The following ASCC1 variants were observed in gnomAD, a reference collection of about 807,000 sequenced individuals.
ASCC1 encodes the protein ASC-1 complex subunit P50.
ASCC1 carries 35 observed loss-of-function variants against 46.6 expected under a neutral mutation model. That is an observed-to-expected ratio of 0.75 (90% CI 0.57 to 0.99). The LOEUF (loss-of-function observed/expected upper bound fraction) is 0.99. Among genes scored for constraint, ASCC1 ranks in the 50% least tolerant of loss-of-function variants. ASCC1 has a pLI of 0.00. For synonymous variants in ASCC1, 143 were observed against 146.6 expected, an observed-to-expected ratio of 0.98 and a Z score of 0.18; for missense variants, 376 against 428.7, an observed-to-expected ratio of 0.88 and a Z score of 1.09.
intron 9 of ASCC1, among the ~76,000 whole-genome samples, chr10:72,112,902 C>A (rs868747429): frequency 1.1e-4 from 16 of 141,394 alleles, no homozygotes; most frequent in South Asian, 4.5e-4. Flanking sequence ...AAAAAAAAAA[C>A]CCCAACATAC....
At chr10:72,160,707 AT>A (rs1326401247) in intron 6 of ASCC1, among the ~76,000 whole-genome samples, 1 of 151,282 alleles carries the variant, frequency 6.6e-6, no homozygotes, top group African/African-American at 2.4e-5. Flanking sequence ...CCTAAAAAAA[AT>A]AAAAATAAAA....
intron 8 of ASCC1, among the ~76,000 whole-genome samples, chr10:72,128,424 AC>A (rs1317111889): frequency 1.3e-5 from 2 of 152,164 alleles, no homozygotes; most frequent in Non-Finnish European, 2.9e-5. Context: ...TATATTCCTA[AC>A]TATGCAACTA....
At chr10:72,155,984 A>G (rs760484179) in intron 6 of ASCC1, among the ~76,000 whole-genome samples, 2 of 152,240 alleles carry the variant, frequency 1.3e-5, no homozygotes, top group Non-Finnish European at 2.9e-5. Flanking sequence ...AATTTTGAGA[A>G]GAATATGGTC....
intron 9 of ASCC1, among the ~76,000 whole-genome samples, chr10:72,110,464 TCTC>T (rs1423913103): frequency 6.6e-6 from 1 of 152,066 alleles, no homozygotes; most frequent in Non-Finnish European, 1.5e-5. Flanking sequence ...CACTCCAACT[TCTC>T]CACCAACAAG....
chr10:72,136,571 A>AG (rs1846237330), intron 7 of ASCC1, among the ~76,000 whole-genome samples: 1 of 152,306 alleles, frequency 6.6e-6, no homozygotes, highest in Non-Finnish European at 1.5e-5. Context: ...GCCAATCAGC[A>AG]GGGGGATGTG....
chr10:72,104,631 A>G (rs1842144746), intron 9 of ASCC1, among the ~76,000 whole-genome samples: 2 of 152,128 alleles, frequency 1.3e-5, no homozygotes, highest in African/African-American at 2.4e-5. Flanking sequence ...CTGTTGTTTT[A>G]TAACAATTCC....
intron 7 of ASCC1, among the ~76,000 whole-genome samples, chr10:72,139,658 C>G (rs759973071): frequency 1.3e-5 from 2 of 152,194 alleles, no homozygotes; most frequent in African/African-American, 4.8e-5. Flanking sequence ...CCTGTAAGTG[C>G]TATAAAGCTC....
intron 5 of ASCC1, among the ~76,000 whole-genome samples, chr10:72,167,117 G>A (rs1336913521): frequency 2.0e-5 from 3 of 152,054 alleles, no homozygotes; most frequent in African/African-American, 7.2e-5. Context: ...TCTACCCAAC[G>A]AAATGAAAAC....
At chr10:72,200,462 A>G (rs1856334707) in intron 4 of ASCC1, among the ~76,000 whole-genome samples, 1 of 152,010 alleles carries the variant, frequency 6.6e-6, no homozygotes, top group Admixed American at 6.6e-5. Flanking sequence ...CAGCCTGATC[A>G]ACATGGAGAA....
intron 5 of ASCC1, among the ~76,000 whole-genome samples, chr10:72,190,940 G>C (rs887384716): frequency 7.1e-6 from 1 of 141,614 alleles, no homozygotes; most frequent in Admixed American, 7.2e-5. Context: ...AGGTTGCCGT[G>C]AGCCAAGATC....
intron 3 of ASCC1, among the ~76,000 whole-genome samples, chr10:72,208,643 C>T (rs543294578): frequency 1.3e-5 from 2 of 152,108 alleles, no homozygotes; most frequent in Admixed American, 6.6e-5. Context: ...GCCTGTAGTT[C>T]CAGCTACTCA....
intron 8 of ASCC1, among the ~76,000 whole-genome samples, chr10:72,132,257 AACC>A (rs1177836002): frequency 6.6e-6 from 1 of 152,082 alleles, no homozygotes; most frequent in African/African-American, 2.4e-5. Flanking sequence ...GTGTATTTTG[AACC>A]ACGAGTCTTG....
rs186437885 is a variant in ASCC1 at position 72,115,268 on chromosome 10, C to T, written c.957+12814G>A. On this transcript the variant is annotated intron_variant, in intron 9 of 9. Transcript: ENST00000672957. ...CAGTTCCAAAAAAGTTTCCTGAGTG[C>T]CTGCCAGGTGCAAGACACATTGCTA... Among the ~76,000 whole-genome samples, 122 of 152,262 alleles carry T rather than the reference C, an allele frequency of 8.0e-4. 1 individual carries two copies. The Middle Eastern group carries it at 0.014, about 17-fold the overall frequency.
At chr10:72,124,227 TA>T (rs1433296602) in intron 9 of ASCC1, among the ~76,000 whole-genome samples, 1 of 152,230 alleles carries the variant, frequency 6.6e-6, no homozygotes, top group African/African-American at 2.4e-5. Flanking sequence ...CTTCTTTCTC[TA>T]AATTAAAAGA....
chr10:72,215,072 T>G (rs979839654), intron 1 of ASCC1, among the ~76,000 whole-genome samples: 10 of 152,196 alleles, frequency 6.6e-5, no homozygotes, highest in African/African-American at 2.4e-4. Flanking sequence ...ACTTAAAAGT[T>G]CCAAAGAAAA....
chr10:72,167,454 G>T (rs887782282), intron 5 of ASCC1, among the ~76,000 whole-genome samples: 1 of 152,100 alleles, frequency 6.6e-6, no homozygotes, highest in Non-Finnish European at 1.5e-5. Context: ...GTGAGGAGTG[G>T]GGCGGCAAAC....
chr10:72,198,837 A>C (rs73274987), intron 4 of ASCC1, among the ~76,000 whole-genome samples: 1 of 151,960 alleles, frequency 6.6e-6, no homozygotes, highest in African/African-American at 2.4e-5. Context: ...TTTTATTTTC[A>C]AGAGAGTCTT....
chr10:72,134,086 G>C (rs937053370), intron 7 of ASCC1: 6 of 152,254 alleles, frequency 3.9e-5, no homozygotes, highest in Admixed American at 3.9e-4. Context: ...TTTGAGACCA[G>C]CCTGGCCAAC....
At chr10:72,172,885 TTATATTATA>T (rs1225998240) in intron 5 of ASCC1, among the ~76,000 whole-genome samples, 11 of 133,854 alleles carry the variant, frequency 8.2e-5, no homozygotes, top group African/African-American at 2.2e-4. Flanking sequence ...TATTATATTT[TTATATTATA>T]TATATTATAT....
Sources: gnomAD v4.1 joint callset for allele counts (sites outside exome capture counted in the v4.1 genomes callset) on GRCh38, gnomAD v4.1.1 for gene constraint, MANE v1.5 for transcripts, NCBI Gene and HGNC (gene_info 2026-07-23, HGNC 2026-07-21) for gene names.